Variants in STX8 observed in about 807,000 individuals in gnomAD.
STX8 encodes the protein syntaxin-8.
A neutral mutation model predicts 37.5 loss-of-function variants in STX8; 23 were observed. That is an observed-to-expected ratio of 0.61 (90% CI 0.44 to 0.87). STX8 has a LOEUF of 0.87. STX8 is among the 40% of genes least tolerant of loss of function. The pLI, the probability that STX8 is intolerant of heterozygous loss-of-function variation, is 0.00. For synonymous variants in STX8, 115 were observed against 99.1 expected, an observed-to-expected ratio of 1.16 and a Z score of -0.95; for missense variants, 313 against 284.7, an observed-to-expected ratio of 1.10 and a Z score of -0.71.
At chr17:9,567,859 T>C (rs1907523594) in intron 2 of STX8, among the ~76,000 whole-genome samples, 1 of 152,260 alleles carries the variant, frequency 6.6e-6, no homozygotes, top group East Asian at 1.9e-4. Context: ...CTAGGTTTTA[T>C]ATTTTTAGTA....
At chr17:9,280,507 C>G (rs187268061) in intron 7 of STX8, among the ~76,000 whole-genome samples, 5 of 152,266 alleles carry the variant, frequency 3.3e-5, no homozygotes, top group Admixed American at 2.0e-4. Context: ...GAGCCAAGAT[C>G]GCACCATTGC....
At chr17:9,279,303 C>T (rs567460909) in intron 7 of STX8, among the ~76,000 whole-genome samples, 1 of 151,976 alleles carries the variant, frequency 6.6e-6, no homozygotes, top group Non-Finnish European at 1.5e-5. Context: ...GTGATCCACC[C>T]ACCTCGAATT....
At chr17:9,362,491 A>T (rs1293458791) in intron 7 of STX8, among the ~76,000 whole-genome samples, 2 of 151,966 alleles carry the variant, frequency 1.3e-5, no homozygotes, top group Admixed American at 1.3e-4. Context: ...TACATACTAA[A>T]ACCTGCCAAA....
chr17:9,559,734 T>A (rs1298079308), intron 2 of STX8, among the ~76,000 whole-genome samples: 27 of 48,738 alleles, frequency 5.5e-4, no homozygotes, highest in Admixed American at 2.7e-3. Context: ...TATTATTATT[T>A]TATATATATA....
At chr17:9,537,710 T>C (rs1005382914) in intron 4 of STX8, among the ~76,000 whole-genome samples, 10 of 152,184 alleles carry the variant, frequency 6.6e-5, no homozygotes, top group Admixed American at 6.5e-4. Context: ...TTATTAAAAA[T>C]TGTGCTAGGC....
chr17:9,506,342 A>G (rs1904822874), intron 4 of STX8, among the ~76,000 whole-genome samples: 1 of 151,238 alleles, frequency 6.6e-6, no homozygotes, highest in South Asian at 2.1e-4. Context: ...ATGAAAAATC[A>G]TAGAATAAAT....
At chr17:9,571,513 C>T (rs1328080676) in intron 1 of STX8, among the ~76,000 whole-genome samples, 2 of 148,048 alleles carry the variant, frequency 1.4e-5, no homozygotes, top group Non-Finnish European at 3.0e-5. Context: ...GCAGGAGAAT[C>T]GCTGGAACCC....
intron 7 of STX8, among the ~76,000 whole-genome samples, chr17:9,334,181 C>T (rs1910066509): frequency 6.6e-6 from 1 of 151,710 alleles, no homozygotes; most frequent in African/African-American, 2.4e-5. Context: ...ATCAGATGGG[C>T]TGGTTTCTCA....
At chr17:9,526,065 G>A (rs1905556437) in intron 4 of STX8, among the ~76,000 whole-genome samples, 1 of 152,172 alleles carries the variant, frequency 6.6e-6, no homozygotes, top group African/African-American at 2.4e-5. Flanking sequence ...CTACGAACAG[G>A]GTAATACTGT....
At chr17:9,300,839 T>C (rs1908748948) in intron 7 of STX8, among the ~76,000 whole-genome samples, 1 of 140,340 alleles carries the variant, frequency 7.1e-6, no homozygotes, top group Non-Finnish European at 1.6e-5. Context: ...TCTTTTTTTT[T>C]TTTTTTTTTT....
intron 7 of STX8, among the ~76,000 whole-genome samples, chr17:9,324,435 G>A (rs1044491100): frequency 6.6e-6 from 1 of 151,998 alleles, no homozygotes; most frequent in African/African-American, 2.4e-5. Context: ...CTCCTGGTGC[G>A]CAGTGTGATG....
intron 7 of STX8, among the ~76,000 whole-genome samples, chr17:9,300,091 G>C (rs1027684507): frequency 3.9e-5 from 6 of 152,084 alleles, no homozygotes; most frequent in African/African-American, 1.4e-4. Flanking sequence ...CAGCACTTTG[G>C]GAGACCGAGG....
At chr17:9,274,997 C>T (rs1225502265) in intron 7 of STX8, among the ~76,000 whole-genome samples, 1 of 152,036 alleles carries the variant, frequency 6.6e-6, no homozygotes, top group East Asian at 2.0e-4. Context: ...GTAATCCGCC[C>T]GCCTTGGCCT....
chr17:9,459,111 C>T (rs1200127649), intron 6 of STX8, among the ~76,000 whole-genome samples: 1 of 152,026 alleles, frequency 6.6e-6, no homozygotes, highest in African/African-American at 2.4e-5. Context: ...GAATTACAGG[C>T]GTGAGCCACC....
chr17:9,525,423 T>C (rs1259092981), intron 4 of STX8, among the ~76,000 whole-genome samples: 3 of 151,764 alleles, frequency 2.0e-5, no homozygotes, highest in African/African-American at 7.3e-5. Context: ...CTCGGCTCAC[T>C]GCAAGCTCCA....
intron 7 of STX8, among the ~76,000 whole-genome samples, chr17:9,254,691 C>T (rs530970784): frequency 5.9e-5 from 9 of 152,188 alleles, no homozygotes; most frequent in Non-Finnish European, 7.4e-5. Context: ...CCACCGCGCC[C>T]GGCCTTGAAT....
chr17:9,437,229 G>A lies in STX8; in HGVS notation c.541+54600C>T, dbSNP rs73973752. The stretch of plus-strand genomic sequence containing the variant: ...ATTACTCGATCATCTGTCTAAATGC[G>A]CTCTGGTCTCCAACATTGATTGGCT... On this transcript the variant is annotated intron_variant, in intron 6 of 7. Transcript: ENST00000306357. Among the ~76,000 whole-genome samples the A allele has an allele frequency of 3.0e-3, 456 of 152,216 alleles. 3 individuals carry two copies. The highest frequency in any genetic ancestry group is 0.01 in the African/African-American group (423 of 41,536).
At chr17:9,331,404 C>T (rs1362175942) in intron 7 of STX8, among the ~76,000 whole-genome samples, 2 of 151,308 alleles carry the variant, frequency 1.3e-5, no homozygotes, top group East Asian at 2.0e-4. Context: ...ATGTTCCTTG[C>T]AAACAGAAAC....
chr17:9,450,190 C>T lies in STX8; in HGVS notation c.541+41639G>A, dbSNP rs534549536. 9.9e-5 allele frequency among the ~76,000 whole-genome samples: 15 copies of T among 151,822 alleles called. No individual in the cohort carries two copies. The South Asian group carries it at 1.7e-3, about 17-fold the overall frequency. ...GCCTCCCAGGCTCAAGTGATTCTGC[C>T]TCAGCCTCCCTAGTAGCTGGGAAAA... On this transcript the variant is annotated intron_variant, in intron 6 of 7. Transcript: ENST00000306357.
Sources: gnomAD v4.1 joint callset for allele counts (sites outside exome capture counted in the v4.1 genomes callset) on GRCh38, gnomAD v4.1.1 for gene constraint, MANE v1.5 for transcripts, NCBI Gene and HGNC (gene_info 2026-07-23, HGNC 2026-07-21) for gene names.